Variants in PCSK5 observed in about 807,000 individuals in gnomAD.
The protein encoded by PCSK5 is proprotein convertase subtilisin/kexin type 5.
A neutral mutation model predicts 233.2 loss-of-function variants in PCSK5; 129 were observed. The ratio of observed to expected loss-of-function variants is 0.55; its 90% confidence interval spans 0.48 to 0.64. The LOEUF (loss-of-function observed/expected upper bound fraction) is 0.64. Ranked by LOEUF, PCSK5 falls within the 30% of genes least tolerant of loss-of-function variation. PCSK5 has a pLI of 0.00. For synonymous variants in PCSK5, 825 were observed against 879.2 expected, an observed-to-expected ratio of 0.94 and a Z score of 1.09; for missense variants, 2,076 against 2,430.1, an observed-to-expected ratio of 0.85 and a Z score of 3.06.
intron 30 of PCSK5, among the ~76,000 whole-genome samples, chr9:76,315,938 T>TTG (rs1333453953): frequency 2.7e-5 from 4 of 150,136 alleles, no homozygotes; most frequent in African/African-American, 9.9e-5. Context: ...GTTTTTTTTT[T>TTG]TTTTTTTTTT....
intron 2 of PCSK5, among the ~76,000 whole-genome samples, chr9:75,984,833 G>C (rs1248456390): frequency 6.6e-6 from 1 of 152,132 alleles, no homozygotes; most frequent in African/African-American, 2.4e-5. Context: ...AGGTTAAATT[G>C]TTTCCTGGAA....
intron 3 of PCSK5, among the ~76,000 whole-genome samples, chr9:75,992,629 C>T (rs959797725): frequency 5.3e-5 from 8 of 152,042 alleles, no homozygotes; most frequent in African/African-American, 1.9e-4. Context: ...TTCTGCCTCA[C>T]AGAAGGACTC....
chr9:76,340,594 G>A lies in PCSK5; in HGVS notation c.4966+2147G>A, dbSNP rs1446689153. Among the ~76,000 whole-genome samples, 10 of 135,312 alleles carry A rather than the reference G, an allele frequency of 7.4e-5. No individual in the cohort carries two copies. The South Asian group carries it at 1.7e-3, about 23-fold the overall frequency. 88.8% of individuals were successfully genotyped at this position (135,312 alleles called of 152,430 possible). Reference sequence around the variant, plus strand: ...CTGGAGGCAGAGGTTGCAGTGAGCCGAGATTGCGCCATTGCACTCCAGCGT... The same window carrying A: ...CTGGAGGCAGAGGTTGCAGTGAGCCAAGATTGCGCCATTGCACTCCAGCGT... On this transcript the variant is annotated intron_variant, in intron 35 of 37. Coordinates refer to ENST00000674117, the MANE Select transcript of PCSK5 (RefSeq NM_001372043.1).
At chr9:75,963,255 T>C (rs918851989) in intron 2 of PCSK5, among the ~76,000 whole-genome samples, 1 of 152,132 alleles carries the variant, frequency 6.6e-6, no homozygotes, top group Admixed American at 6.6e-5. Flanking sequence ...AAAAATAACA[T>C]AATCTTGGCT....
At position 75,925,839 on chromosome 9, in the gene PCSK5, C is replaced by T. The variant is rs11144686; in HGVS notation, c.193-6540C>T. 2.1e-3 allele frequency among the ~76,000 whole-genome samples: 324 copies of T among 152,282 alleles called. 1 individual carries two copies. The highest frequency in any genetic ancestry group is 6.9e-3 in the African/African-American group (288 of 41,544). On this transcript the variant is annotated intron_variant, in intron 1 of 37. Transcript: ENST00000674117. ...GTAGTTACAATTATTTTAACATTCTCACATTTAGCCAAGTGCTAAGGAAGC... is the reference window on the plus strand; with the variant it reads ...GTAGTTACAATTATTTTAACATTCTTACATTTAGCCAAGTGCTAAGGAAGC...
intron 1 of PCSK5, among the ~76,000 whole-genome samples, chr9:75,918,652 ATT>A (rs1240252596): frequency 1.3e-5 from 2 of 152,096 alleles, no homozygotes; most frequent in African/African-American, 4.8e-5. Context: ...AATCGTTTGT[ATT>A]TTGTTGTGAC....
At chr9:76,192,476 A>C (rs1006810075) in intron 20 of PCSK5, among the ~76,000 whole-genome samples, 1 of 152,142 alleles carries the variant, frequency 6.6e-6, no homozygotes, top group African/African-American at 2.4e-5. Flanking sequence ...TGCATCTTAT[A>C]ATTTGTGGCA....
At chr9:76,119,778 C>T (rs1832563282) in intron 9 of PCSK5, among the ~76,000 whole-genome samples, 1 of 151,990 alleles carries the variant, frequency 6.6e-6, no homozygotes, top group Non-Finnish European at 1.5e-5. Context: ...AGCATTTATC[C>T]TTTAAGTTAC....
At position 76,321,554 on chromosome 9, in the gene PCSK5, C is replaced by T. The variant is rs1829204287; in HGVS notation, c.4017C>T (p.Cys1339=). ...ACCACGGAGTGTGCCAGGAAAACTG[C>T]CCCGAGAGGCACGTGGCTGTGAAGG... ...VLHHGVCQEN[C]PERHVAVKGV... Residue 1339 remains cysteine, a synonymous_variant, in exon 31 of 38, where the codon TGC becomes TGT. Transcript: ENST00000674117. 1.9e-6 allele frequency: 3 copies of T among 1,612,448 alleles called. No homozygotes were observed. Among genetic ancestry groups the T allele is most frequent in the Admixed American group, 1.7e-5 (1 of 60,008 alleles).
rs1276807061 is a variant in PCSK5 at position 76,292,267 on chromosome 9, G to T, written c.3177G>T (p.Gly1059=). The T allele has an allele frequency of 6.4e-7, 1 of 1,573,356 alleles. No homozygotes were observed. The highest frequency in any genetic ancestry group is 8.7e-7 in the Non-Finnish European group (1 of 1,144,630). Residue 1059 remains glycine (G), a synonymous_variant, in exon 25 of 38, where the codon GGG becomes GGT. Transcript: ENST00000674117. The part of the protein sequence containing the change: ...DPGTCTSCAM[G]YYRFDHHCYK... ...GAACATGTACATCTTGCGCTATGGG[G>T]TATTACAGGTAAGTCTGGTCTTCCT...
intron 12 of PCSK5, among the ~76,000 whole-genome samples, chr9:76,165,544 G>C (rs1217186206): frequency 1.3e-5 from 2 of 152,168 alleles, no homozygotes; most frequent in African/African-American, 4.8e-5. Flanking sequence ...TTTCTACCAG[G>C]CTTCATCCAA....
At chr9:76,256,175 T>G (rs1355781069) in intron 24 of PCSK5, among the ~76,000 whole-genome samples, 4 of 152,230 alleles carry the variant, frequency 2.6e-5, no homozygotes, top group African/African-American at 9.6e-5. Flanking sequence ...TTCTTAGAGT[T>G]ATGGGGGAGA....
intron 17 of PCSK5, among the ~76,000 whole-genome samples, chr9:76,185,007 T>C (rs1418519287): frequency 1.3e-5 from 2 of 152,160 alleles, no homozygotes; most frequent in East Asian, 3.8e-4. Context: ...CAGATAAAAC[T>C]CAATAAAAAT....
chr9:76,195,241 G>C (rs17720593), intron 20 of PCSK5: 14,561 of 152,110 alleles, frequency 0.096, 926 homozygotes, highest in Non-Finnish European at 0.14. Flanking sequence ...GTCTTACGTG[G>C]ACAAATGCAA....
chr9:76,051,003 A>AT (rs1360138900), intron 5 of PCSK5, among the ~76,000 whole-genome samples: 1 of 152,156 alleles, frequency 6.6e-6, no homozygotes, highest in African/African-American at 2.4e-5. Flanking sequence ...TAAGAGCAAT[A>AT]TTTTTTGCAA....
At position 76,360,597 on chromosome 9, in the gene PCSK5, T is replaced by C. The variant is rs1564202703; in HGVS notation, c.*1675T>C. ...GACACAGAAAATCTTTATGAAGAAG[T>C]CTTCAGTTTACTAAAGGCTTGTGCT... On this transcript the variant is annotated 3_prime_UTR_variant, in exon 38 of 38. Transcript: ENST00000674117. 6.6e-6 allele frequency: 1 copy of C among 152,206 alleles called. No individual in the cohort carries two copies. Among genetic ancestry groups the C allele is most frequent in the Non-Finnish European group, 1.5e-5 (1 of 68,036 alleles). The allele number at this position is 152,206 out of a possible 1,614,324, so 9.4% of individuals were successfully genotyped here.
At chr9:76,271,680 A>AAAT (rs1827517587) in intron 24 of PCSK5, among the ~76,000 whole-genome samples, 1 of 152,182 alleles carries the variant, frequency 6.6e-6, no homozygotes, top group Non-Finnish European at 1.5e-5. Context: ...TAAAAAAAAA[A>AAAT]AAATTAAAAA....
chr9:75,913,853 T>C (rs1038203676), intron 1 of PCSK5, among the ~76,000 whole-genome samples: 1 of 152,126 alleles, frequency 6.6e-6, no homozygotes, highest in African/African-American at 2.4e-5. Flanking sequence ...ATTCCTACTG[T>C]ATTATTAAAA....
At chr9:76,175,294 A>T in intron 14 of PCSK5, 165 bp downstream of exon 14, 1 of 388,908 alleles carries the variant, frequency 2.6e-6, no homozygotes, top group Middle Eastern at 4.6e-4. Context: ...ATCGAATCGA[A>T]TAGAATAGAA....
Sources: allele counts gnomAD v4.1 joint callset (sites outside exome capture counted in the v4.1 genomes callset), GRCh38; gene constraint gnomAD v4.1.1; transcripts MANE v1.5; gene names NCBI Gene and HGNC (gene_info 2026-07-23, HGNC 2026-07-21).